The following ACTN4 variants were observed in gnomAD, a reference collection of about 807,000 sequenced individuals.
The protein encoded by ACTN4 is actinin alpha 4.
ACTN4 carries 18 observed loss-of-function variants against 114.2 expected under a neutral mutation model. The ratio of observed to expected loss-of-function variants is 0.16; its 90% CI spans 0.11 to 0.23. The LOEUF (loss-of-function observed/expected upper bound fraction) is 0.23. Among genes scored for constraint, ACTN4 ranks in the 10% least tolerant of loss-of-function variants. The probability of loss-of-function intolerance (pLI) is 1.00; values close to 1 mark genes in which losing one functional copy is unlikely to be tolerated. For synonymous variants in ACTN4, 515 were observed against 506.3 expected, an observed-to-expected ratio of 1.02 and a Z score of -0.23; for missense variants, 722 against 1,262.9, an observed-to-expected ratio of 0.57 and a Z score of 6.49.
chr19:38,695,075 A>G (rs1050815055), intron 1 of ACTN4, among the ~76,000 whole-genome samples: 3 of 152,128 alleles, frequency 2.0e-5, no homozygotes, highest in African/African-American at 7.2e-5. Context: ...GGGTTTTGCC[A>G]TGTTGCCTAG....
intron 3 of ACTN4, 95 bp from the exon 4 acceptor site, chr19:38,704,839 C>G: frequency 8.8e-7 from 1 of 1,134,470 alleles, no homozygotes; most frequent in Non-Finnish European, 1.3e-6. Context: ...GAGCCTTTCT[C>G]TAGATGGGGC....
chr19:38,680,646 G>T (rs1967535921), intron 1 of ACTN4, among the ~76,000 whole-genome samples: 1 of 152,140 alleles, frequency 6.6e-6, no homozygotes. Flanking sequence ...CACTTCTTGG[G>T]CTTGGCATTG....
At chr19:38,709,024 C>G (rs910091101) in intron 6 of ACTN4, among the ~76,000 whole-genome samples, 1 of 152,140 alleles carries the variant, frequency 6.6e-6, no homozygotes, top group Non-Finnish European at 1.5e-5. Context: ...CTCCCCTTAC[C>G]CAGTCCCCAG....
chr19:38,693,980 G>T (rs1364540245), intron 1 of ACTN4, among the ~76,000 whole-genome samples: 1 of 152,192 alleles, frequency 6.6e-6, no homozygotes, highest in Non-Finnish European at 1.5e-5. Flanking sequence ...AACCAGAGAA[G>T]CCTCTTTAAT....
Position 38,708,195 on chromosome 19 carries a change from G to A in ACTN4, c.651G>A (p.Lys217=). ...TGATTGAGTATGACAAGCTGAGGAA[G>A]GTGAGTGTCTCCAGCTCCCCTTGAT... The part of the protein sequence containing the change: ...PELIEYDKLR[K]DDPVTNLNNA... Residue 217 remains lysine (K), a splice_region_variant and synonymous_variant, in exon 6 of 21, where the codon AAG becomes AAA. Transcript: ENST00000252699. 1.2e-6 allele frequency: 2 copies of A among 1,614,168 alleles called. No homozygotes were observed. The highest frequency in any genetic ancestry group is 2.2e-5 in the East Asian group (1 of 44,884).
chr19:38,652,559 G>A (rs1976596746), intron 1 of ACTN4, among the ~76,000 whole-genome samples: 1 of 152,118 alleles, frequency 6.6e-6, no homozygotes, highest in African/African-American at 2.4e-5. Context: ...CCCTGGTTCC[G>A]GCTTCTAAGA....
At chr19:38,702,605 A>G (rs1968317919) in intron 3 of ACTN4, among the ~76,000 whole-genome samples, 1 of 152,100 alleles carries the variant, frequency 6.6e-6, no homozygotes, top group Non-Finnish European at 1.5e-5. Flanking sequence ...CAGGAGGTGC[A>G]CAGAATAGAT....
chr19:38,725,475 T>C (rs1969200683), intron 16 of ACTN4, among the ~76,000 whole-genome samples: 2 of 152,172 alleles, frequency 1.3e-5, no homozygotes, highest in South Asian at 2.1e-4. Flanking sequence ...TAAAATGAAG[T>C]TGGGCACAGG....
At chr19:38,709,514 C>T in intron 7 of ACTN4, 38 bp downstream of exon 7, 1 of 1,576,664 alleles carries the variant, frequency 6.3e-7, no homozygotes, top group Non-Finnish European at 8.7e-7. Context: ...ACTGTGCTTC[C>T]TGATGGCCTT....
intron 12 of ACTN4, 88 bp downstream of exon 12, chr19:38,721,776 G>C (rs1437049204): frequency 6.4e-7 from 1 of 1,571,448 alleles, no homozygotes; most frequent in Admixed American, 1.8e-5. Context: ...GGCCCAGCCT[G>C]CCTCAAGGCC....
chr19:38,701,148 T>A (rs545345516), intron 3 of ACTN4, 27 bp downstream of exon 3: 2 of 1,613,146 alleles, frequency 1.2e-6, no homozygotes, highest in Non-Finnish European at 1.7e-6. Flanking sequence ...GCAGCGAGGG[T>A]CCTGCTCGGT....
rs781479830 is a variant in ACTN4 at position 38,710,280 on chromosome 19, G to A, written c.757G>A (p.Asp253Asn). 2 of 1,613,954 alleles carry A rather than the reference G, an allele frequency of 1.2e-6. No homozygotes were observed. The part of the protein sequence containing the change: ...AEDIVNTARP[D>N]EKAIMTYVSS... ...AGACATCGTGAACACGGCCCGGCCC[G>A]ACGAGAAGGCCATAATGACCTATGT... Residue 253 changes from aspartate (D) to asparagine (N), a missense_variant, in exon 8 of 21, where the codon GAC becomes AAC. By Grantham distance (23) the Asp-to-Asn change is conservative. Around this residue, in one of 3 missense-constraint regions of ACTN4, gnomAD observed 127 missense variants for 311.3 expected, o/e 0.41. Coordinates refer to ENST00000252699, the MANE Select transcript of ACTN4 (RefSeq NM_004924.6).
chr19:38,673,656 TA>T (rs1377993210), intron 1 of ACTN4, among the ~76,000 whole-genome samples: 7,073 of 37,988 alleles, frequency 0.19, 785 homozygotes, highest in South Asian at 0.28. Flanking sequence ...TTTATATATT[TA>T]TATATATTAT....
chr19:38,696,956 C>T (rs1968114883), intron 1 of ACTN4, among the ~76,000 whole-genome samples: 1 of 152,226 alleles, frequency 6.6e-6, no homozygotes, highest in Non-Finnish European at 1.5e-5. Context: ...TTTAACACAG[C>T]ACGGAGTGAT....
Position 38,731,029 on chromosome 19 carries a change from CAG to C in ACTN4, c.*1602_*1603del, listed in dbSNP as rs766188629. On this transcript the variant is annotated 3_prime_UTR_variant, in exon 21 of 21. Coordinates refer to ENST00000252699, the MANE Select transcript of ACTN4 (RefSeq NM_004924.6). Reference sequence around the variant, plus strand: ...CAGGTGCTGGCTGCAGTGGCCTGTGCAGAGAGGGGCAGGGTGAGTGCCCACCA... The same window carrying C: ...CAGGTGCTGGCTGCAGTGGCCTGTGCAGAGGGGCAGGGTGAGTGCCCACCA... The C allele has an allele frequency of 4.8e-5, 75 of 1,555,186 alleles. 2 individuals are homozygous for C. In the South Asian group the frequency reaches 6.7e-4, roughly 14 times the overall value.
chr19:38,712,210 T>C (rs888980891), intron 8 of ACTN4, among the ~76,000 whole-genome samples: 1 of 151,946 alleles, frequency 6.6e-6, no homozygotes, highest in South Asian at 2.1e-4. Flanking sequence ...AGAGGAGGAA[T>C]TGAAGTTTAG....
At chr19:38,714,120 G>A (rs1472876881) in intron 8 of ACTN4, among the ~76,000 whole-genome samples, 3 of 152,110 alleles carry the variant, frequency 2.0e-5, no homozygotes, top group Non-Finnish European at 4.4e-5. Flanking sequence ...CCTTCCCACC[G>A]GGAGAGACTC....
At chr19:38,672,685 T>TG (rs1389195437) in intron 1 of ACTN4, among the ~76,000 whole-genome samples, 20 of 152,082 alleles carry the variant, frequency 1.3e-4, no homozygotes, top group Non-Finnish European at 2.2e-4. Context: ...GCAATTCTCC[T>TG]GCCTCAGCCT....
chr19:38,720,184 C>T (rs949944356), intron 11 of ACTN4, among the ~76,000 whole-genome samples: 3 of 152,244 alleles, frequency 2.0e-5, no homozygotes, highest in African/African-American at 7.2e-5. Flanking sequence ...CCCTCACCAT[C>T]CCCCACAGCC....
Sources: allele counts gnomAD v4.1 joint callset (sites outside exome capture counted in the v4.1 genomes callset), GRCh38; gene constraint gnomAD v4.1.1; regional missense constraint gnomAD v4.1.1; transcripts MANE v1.5; gene names NCBI Gene and HGNC (gene_info 2026-07-23, HGNC 2026-07-21).